The following FGF10 variants were observed in gnomAD, a reference collection of about 807,000 sequenced individuals.
FGF10 encodes the protein FGF-10.
Under a neutral mutation model 19.8 loss-of-function variants are expected in FGF10, and 2 were observed. The observed-to-expected ratio is 0.10, with a 90% CI of 0.04 to 0.32. The LOEUF is 0.32. Ranked by LOEUF, FGF10 falls within the 10% of genes least tolerant of loss-of-function variation. FGF10 has a pLI of 1.00. For synonymous variants in FGF10, 112 were observed against 94.0 expected (o/e 1.19, Z -1.10); for missense variants, 191 against 246.3 (o/e 0.78, Z 1.50).
rs1264425831 is a variant in FGF10, at chr5:44,320,666, T to C, written c.326-10136A>G. Among the ~76,000 whole-genome samples, 3 of 152,324 alleles carry C rather than the reference T, an allele frequency of 2.0e-5. No homozygotes were observed. The East Asian group carries it at 5.8e-4, about 29-fold the overall frequency. Reference sequence around the variant, plus strand: ...TTAAAACTTCTTCACCACATGCAGATTAAGCACCCTGTGTCAAAAGTCAAG... The same window carrying C: ...TTAAAACTTCTTCACCACATGCAGACTAAGCACCCTGTGTCAAAAGTCAAG... On this transcript the variant is annotated intron_variant, in intron 1 of 2. Transcript: ENST00000264664.
At chr5:44,351,776 G>A (rs1741238840) in intron 1 of FGF10, among the ~76,000 whole-genome samples, 2 of 151,612 alleles carry the variant, frequency 1.3e-5, no homozygotes, top group South Asian at 4.1e-4. Context: ...GAGAGATGGA[G>A]TCAATAGTTT....
At chr5:44,375,491 C>T (rs1741832415) in intron 1 of FGF10, among the ~76,000 whole-genome samples, 1 of 152,130 alleles carries the variant, frequency 6.6e-6, no homozygotes. Flanking sequence ...CTGAAATCAA[C>T]ATAAAATAGC....
At chr5:44,325,757 C>A (rs1375186367) in intron 1 of FGF10, among the ~76,000 whole-genome samples, 2 of 151,902 alleles carry the variant, frequency 1.3e-5, no homozygotes, top group Non-Finnish European at 2.9e-5. Flanking sequence ...AGCATTAGGA[C>A]ATATACCTAA....
intron 1 of FGF10, among the ~76,000 whole-genome samples, chr5:44,349,561 T>A (rs373321566): frequency 6.9e-6 from 1 of 145,502 alleles, no homozygotes; most frequent in Admixed American, 6.9e-5. Flanking sequence ...GGCTTTAGTC[T>A]CTTATTTTGA....
intron 1 of FGF10, 141 bp downstream of exon 1, chr5:44,388,217 G>A (rs913494875): frequency 3.7e-6 from 3 of 818,240 alleles, no homozygotes; most frequent in Non-Finnish European, 6.2e-6. Context: ...GGGTGAATTA[G>A]TGTGAAAGTA....
intron 1 of FGF10, among the ~76,000 whole-genome samples, chr5:44,318,206 T>A (rs1345345441): frequency 6.6e-6 from 1 of 152,094 alleles, no homozygotes; most frequent in Admixed American, 6.6e-5. Flanking sequence ...GACAGAAAAG[T>A]TAAGAAAAGA....
At chr5:44,349,422 TTATATA>T (rs869035955) in intron 1 of FGF10, among the ~76,000 whole-genome samples, 19 of 41,422 alleles carry the variant, frequency 4.6e-4, no homozygotes, top group African/African-American at 1.8e-3. Flanking sequence ...AGCATTTTCT[TTATATA>T]TATATATATA....
At chr5:44,366,913 A>G (rs1450669827) in intron 1 of FGF10, among the ~76,000 whole-genome samples, 2 of 152,086 alleles carry the variant, frequency 1.3e-5, no homozygotes, top group Non-Finnish European at 2.9e-5. Flanking sequence ...GATTAAATAA[A>G]GAAGAAAATA....
intron 1 of FGF10, among the ~76,000 whole-genome samples, chr5:44,348,136 A>G (rs1741129389): frequency 6.6e-6 from 1 of 151,710 alleles, no homozygotes; most frequent in Non-Finnish European, 1.5e-5. Context: ...CCATGAATGA[A>G]GTAGTTAATA....
intron 1 of FGF10, among the ~76,000 whole-genome samples, chr5:44,333,234 T>G (rs968546769): frequency 6.6e-6 from 1 of 152,146 alleles, no homozygotes; most frequent in African/African-American, 2.4e-5. Context: ...ATTACAGAAG[T>G]AAGCTGTGTT....
chr5:44,384,655 C>G (rs941349930), intron 1 of FGF10, among the ~76,000 whole-genome samples: 2 of 152,002 alleles, frequency 1.3e-5, no homozygotes, highest in Non-Finnish European at 2.9e-5. Context: ...GTTGAATGAC[C>G]TTGGACAATT....
intron 1 of FGF10, among the ~76,000 whole-genome samples, chr5:44,378,580 C>CTA (rs1362273780): frequency 1.8e-4 from 27 of 152,058 alleles, no homozygotes; most frequent in African/African-American, 6.5e-4. Flanking sequence ...CACAGGCGCC[C>CTA]GCCACCGCGC....
At chr5:44,312,614 A>G (rs1740238950) in intron 1 of FGF10, among the ~76,000 whole-genome samples, 1 of 152,086 alleles carries the variant, frequency 6.6e-6, no homozygotes, top group Non-Finnish European at 1.5e-5. Context: ...AACAAAATCT[A>G]ACATACTTTA....
At chr5:44,341,707 A>C (rs1740975650) in intron 1 of FGF10, among the ~76,000 whole-genome samples, 1 of 151,976 alleles carries the variant, frequency 6.6e-6, no homozygotes, top group African/African-American at 2.4e-5. Context: ...TAGGACCTAA[A>C]TGTAAGAACA....
chr5:44,357,920 C>T (rs1177694499), intron 1 of FGF10, among the ~76,000 whole-genome samples: 1 of 151,382 alleles, frequency 6.6e-6, no homozygotes, highest in Admixed American at 6.6e-5. Context: ...TCTGTCTCCT[C>T]CAGAACTTAC....
intron 1 of FGF10, among the ~76,000 whole-genome samples, chr5:44,349,876 C>A (rs1022499570): frequency 6.6e-6 from 1 of 151,042 alleles, no homozygotes; most frequent in African/African-American, 2.4e-5. Context: ...AAGTCTAAGT[C>A]TCATTTGTTT....
At chr5:44,332,120 C>T (rs1182869574) in intron 1 of FGF10, among the ~76,000 whole-genome samples, 2 of 152,062 alleles carry the variant, frequency 1.3e-5, no homozygotes, top group Admixed American at 6.6e-5. Context: ...TGTTTAGCAT[C>T]GTGTTAAAGT....
chr5:44,334,861 T>C (rs1254589855), intron 1 of FGF10, among the ~76,000 whole-genome samples: 1 of 152,124 alleles, frequency 6.6e-6, no homozygotes, highest in Non-Finnish European at 1.5e-5. Context: ...TCAGTGGAAA[T>C]TGATCATGAA....
In FGF10 at chr5:44,388,510, GAGA is replaced by G. The variant is rs1406151328; in HGVS notation, c.170_172del (p.Phe57del). 4 of 1,614,138 alleles carry G rather than the reference GAGA, an allele frequency of 2.5e-6. No individual in the cohort carries two copies. The highest frequency in any genetic ancestry group is 3.4e-6 in the Non-Finnish European group (4 of 1,180,028). ...ATGCCTTCCCGCGCTGGAAGGAGAG[GAGA>G]AGGAGGAGGAAGAAGAGTTGGTGGC... On this transcript the variant is annotated inframe_deletion, in exon 1 of 3. Transcript: ENST00000264664.
Sources: allele counts gnomAD v4.1 joint callset (sites outside exome capture counted in the v4.1 genomes callset), GRCh38; gene constraint gnomAD v4.1.1; transcripts MANE v1.5; gene names NCBI Gene and HGNC (gene_info 2026-07-23, HGNC 2026-07-21).